The following KRT86 variants were observed in gnomAD, a reference collection of about 807,000 sequenced individuals.
KRT86 encodes keratin 86.
In KRT86, 30 loss-of-function variants were observed where a neutral mutation model predicts 41.2. That is an observed-to-expected ratio of 0.73 (90% CI 0.54 to 0.99). The LOEUF (loss-of-function observed/expected upper bound fraction) is 0.99. KRT86 is among the 50% of genes least tolerant of loss of function. The probability of loss-of-function intolerance (pLI) is 0.00; values close to 1 mark genes in which losing one functional copy is unlikely to be tolerated. For missense variants in KRT86, 561 were observed against 571.4 expected (o/e 0.98, Z 0.19); for synonymous variants, 238 against 238.1 (o/e 1.00, Z 0.00).
intron 9 of KRT86, chr12:52,306,655 T>A (rs559827570): frequency 1.4e-3 from 537 of 386,558 alleles, no homozygotes; most frequent in Non-Finnish European, 1.5e-3. Context: ...CCTGGCCCCA[T>A]CTAGACCTGG....
chr12:52,275,294 G>C (rs954090231), intron 1 of KRT86, among the ~76,000 whole-genome samples: 1 of 152,166 alleles, frequency 6.6e-6, no homozygotes, highest in African/African-American at 2.4e-5. Context: ...ACTTCCCATA[G>C]CAGCCTTGGG....
chr12:52,291,518 T>G, intron 2 of KRT86: 1 of 1,604,482 alleles, frequency 6.2e-7, no homozygotes, highest in Admixed American at 1.7e-5. Flanking sequence ...CCTGGAGTCC[T>G]GATGGAAACT....
chr12:52,296,207 A>G (rs1246515723), intron 2 of KRT86, among the ~76,000 whole-genome samples: 1 of 152,154 alleles, frequency 6.6e-6, no homozygotes, highest in Non-Finnish European at 1.5e-5. Context: ...GCATGGGTGG[A>G]GAAGAAAATG....
intron 1 of KRT86, 104 bp downstream of exon 1, chr12:52,274,826 T>A (rs968427465): frequency 1.5e-6 from 1 of 653,392 alleles, no homozygotes; most frequent in Non-Finnish European, 1.9e-6. Flanking sequence ...AGCAGAAAAG[T>A]TGGGGGCAGT....
intron 2 of KRT86, among the ~76,000 whole-genome samples, chr12:52,283,275 T>C (rs55870088): frequency 0.85 from 128,783 of 150,978 alleles, 55,295 homozygotes; most frequent in African/African-American, 0.95. Flanking sequence ...CACCTGTAGT[T>C]CCAGCTACTT....
At chr12:52,306,032 TC>T in intron 8 of KRT86, 27 bp from the exon 9 acceptor site, 1 of 1,613,158 alleles carries the variant, frequency 6.2e-7, no homozygotes, top group East Asian at 2.2e-5. Context: ...GGGACTCTAA[TC>T]TACCTTGTTC....
intron 2 of KRT86, among the ~76,000 whole-genome samples, chr12:52,288,810 G>C (rs1397822048): frequency 1.3e-5 from 2 of 152,020 alleles, no homozygotes; most frequent in Non-Finnish European, 2.9e-5. Flanking sequence ...GGCTGCTCCT[G>C]GTTCTTCTCC....
At chr12:52,291,252 C>T (rs1938108264) in intron 2 of KRT86, 1 of 1,516,156 alleles carries the variant, frequency 6.6e-7, no homozygotes, top group Non-Finnish European at 8.8e-7. Context: ...GGACTGGGCC[C>T]GCACACGCCC....
intron 2 of KRT86, chr12:52,288,501 A>G: frequency 1.2e-6 from 2 of 1,609,572 alleles, no homozygotes; most frequent in Middle Eastern, 1.7e-4. Context: ...CTGGTGATCC[A>G]GCCCCCAGAC....
rs1937965135 is a variant in KRT86 at position 52,287,014 on chromosome 12, G to A, written c.-5+11068G>A. ...AATAATAATATTTTTTTCCCCCAGAGCCCTGGCCATTGCTCAGCCAAGGCC... is the reference window on the plus strand; with the variant it reads ...AATAATAATATTTTTTTCCCCCAGAACCCTGGCCATTGCTCAGCCAAGGCC... On this transcript the variant is annotated intron_variant, in intron 2 of 10. Coordinates refer to ENST00000423955, the MANE Select transcript of KRT86 (RefSeq NM_001320198.2). 4 of 1,606,486 alleles carry A rather than the reference G, an allele frequency of 2.5e-6. No individual in the cohort carries two copies. In the Admixed American group the frequency reaches 6.7e-5, roughly 27 times the overall value.
At chr12:52,293,663 G>C (rs1046311324) in intron 2 of KRT86, among the ~76,000 whole-genome samples, 26 of 152,112 alleles carry the variant, frequency 1.7e-4, no homozygotes, top group African/African-American at 5.8e-4. Flanking sequence ...GGACGGGGTG[G>C]AAAACATCAG....
rs1024590639 is a variant in KRT86 at position 52,305,349 on chromosome 12, A to T, written c.845A>T (p.Tyr282Phe). The change falls in exon 7 of 11, where the codon TAC becomes TTC. Residue 282 changes from tyrosine (Y) to phenylalanine (F), a missense_variant. Around this residue, in one of 3 missense-constraint regions of KRT86, gnomAD observed 397 missense variants for 375.9 expected, o/e 1.06. Coordinates refer to ENST00000423955, the MANE Select transcript of KRT86 (RefSeq NM_001320198.2). Reference sequence around the variant, plus strand: ...ATCATTGCCGAGATCAAGGCACAGTACGATGACATTGTCACCCGTAGCCGG... The same window carrying T: ...ATCATTGCCGAGATCAAGGCACAGTTCGATGACATTGTCACCCGTAGCCGG... ...DCIIAEIKAQ[Y>F]DDIVTRSRAE... is the part of the protein sequence containing the mutation. The T allele has an allele frequency of 2.5e-6, 4 of 1,614,136 alleles. No homozygotes were observed. In the African/African-American group the frequency reaches 5.3e-5, roughly 22 times the overall value.
In KRT86 at chr12:52,301,974, C is replaced by CCCCGG; in HGVS notation, c.66_70dup (p.Arg24ProfsTer81). ...CTTCAGCTGCATCTCGGCCTGCGGG[C>CCCCGG]CCCGGCCCGGCCGCTGCTGCATCAC... On this transcript the variant is annotated frameshift_variant, in exon 3 of 11. Coordinates refer to ENST00000423955, the MANE Select transcript of KRT86 (RefSeq NM_001320198.2). LOFTEE classifies it high-confidence loss of function. 1 of 1,613,540 alleles carries CCCCGG rather than the reference C, an allele frequency of 6.2e-7. No individual in the cohort carries two copies. The highest frequency in any genetic ancestry group is 1.1e-5 in the South Asian group (1 of 91,082).
rs1938518986 is a variant in KRT86 at position 52,306,340 on chromosome 12, C to T, written c.1247+60C>T. On this transcript the variant is annotated intron_variant, in intron 9 of 10. Transcript: ENST00000423955. ...GCCAGGGTTCTCAGTGTGCTCTGTC[C>T]TCACACTCCTGGCAGCATTTAAGTT... is the stretch of plus-strand genomic sequence containing the variant. 4.3e-6 allele frequency: 7 copies of T among 1,610,704 alleles called. No individual in the cohort carries two copies. In the East Asian group the frequency reaches 1.3e-4, roughly 31 times the overall value.
chr12:52,294,195 A>C (rs892744680), intron 2 of KRT86, among the ~76,000 whole-genome samples: 2 of 152,146 alleles, frequency 1.3e-5, no homozygotes, highest in African/African-American at 4.8e-5. Context: ...GTCCCCAGTA[A>C]ACCAGCGGTT....
intron 2 of KRT86, 105 bp downstream of exon 2, chr12:52,276,051 C>A: frequency 1.0e-6 from 1 of 978,234 alleles, no homozygotes; most frequent in Non-Finnish European, 1.2e-6. Flanking sequence ...GATGGCTACA[C>A]TTTCTCTTAG....
chr12:52,278,901 G>C (rs1937703544), intron 2 of KRT86: 1 of 152,444 alleles, frequency 6.6e-6, no homozygotes, highest in Admixed American at 6.6e-5. Context: ...TGTGGGGAAG[G>C]GGGTCCTGTG....
rs7300941 is a variant in KRT86, at chr12:52,287,749, T to C, written c.-5+11803T>C. 0.51 allele frequency: 817,157 copies of C among 1,612,936 alleles called. 211,591 individuals are homozygous for C. Among genetic ancestry groups the C allele is most frequent in the African/African-American group, 0.57 (42,377 of 74,828 alleles). ...GGGGGAAGTAGAGATGCTCATGAGG[T>C]TCAGGGTGGGACCTCCCATCCATTC... On this transcript the variant is annotated intron_variant, in intron 2 of 10. Transcript: ENST00000423955.
At chr12:52,289,050 A>G (rs1420061770) in intron 2 of KRT86, among the ~76,000 whole-genome samples, 5 of 112,408 alleles carry the variant, frequency 4.4e-5, no homozygotes. Context: ...CCCTTTGTCA[A>G]GGCCCTGGAT....
Sources: allele counts gnomAD v4.1 joint callset (sites outside exome capture counted in the v4.1 genomes callset), GRCh38; gene constraint gnomAD v4.1.1; regional missense constraint gnomAD v4.1.1; transcripts MANE v1.5; gene names NCBI Gene and HGNC (gene_info 2026-07-23, HGNC 2026-07-21).